The following DLG2 variants were observed in gnomAD, a reference collection of about 807,000 sequenced individuals.
DLG2 encodes disks large homolog 2.
Under a neutral mutation model 132.5 loss-of-function variants are expected in DLG2, and 45 were observed. The observed-to-expected ratio is 0.34, with a 90% CI of 0.27 to 0.44. The LOEUF (loss-of-function observed/expected upper bound fraction) is 0.44. Ranked by LOEUF, DLG2 falls within the 20% of genes least tolerant of loss-of-function variation. The probability of loss-of-function intolerance (pLI) is 1.00; values close to 1 mark genes in which losing one functional copy is unlikely to be tolerated. For synonymous variants in DLG2, 424 were observed against 419.6 expected (o/e 1.01, Z -0.13); for missense variants, 1,045 against 1,196.9 (o/e 0.87, Z 1.87).
intron 4 of DLG2, among the ~76,000 whole-genome samples, chr11:85,259,792 C>G (rs1322243502): frequency 2.0e-5 from 3 of 151,992 alleles, no homozygotes; most frequent in Non-Finnish European, 2.9e-5. Context: ...TAGCCTCCAC[C>G]TCACTATTTT....
chr11:83,702,010 A>G (rs551040579), intron 18 of DLG2, among the ~76,000 whole-genome samples: 84 of 152,232 alleles, frequency 5.5e-4, no homozygotes, highest in Non-Finnish European at 1.1e-3. Flanking sequence ...ATTATAGTAG[A>G]AAGATAATTT....
At chr11:84,827,750 AT>A (rs1254419801) in intron 6 of DLG2, among the ~76,000 whole-genome samples, 1 of 150,396 alleles carries the variant, frequency 6.6e-6, no homozygotes, top group African/African-American at 2.4e-5. Context: ...ACCAAGAGCC[AT>A]TTTTTTCTAT....
At chr11:84,826,039 A>G (rs1170069096) in intron 6 of DLG2, among the ~76,000 whole-genome samples, 2 of 151,810 alleles carry the variant, frequency 1.3e-5, no homozygotes, top group Admixed American at 1.3e-4. Context: ...CTCACCATGC[A>G]TTCTATCTTT....
chr11:84,980,796 G>C (rs567413297), intron 6 of DLG2, among the ~76,000 whole-genome samples: 3 of 152,118 alleles, frequency 2.0e-5, no homozygotes, highest in Admixed American at 2.0e-4. Context: ...CTATGATTCC[G>C]TGTGTATTAA....
intron 5 of DLG2, among the ~76,000 whole-genome samples, chr11:85,143,971 GTTTC>G (rs1205593794): frequency 1.3e-5 from 2 of 151,810 alleles, no homozygotes; most frequent in African/African-American, 2.4e-5. Flanking sequence ...TAAGTCTGAT[GTTTC>G]TTTGTTGATT....
intron 6 of DLG2, among the ~76,000 whole-genome samples, chr11:84,734,998 A>G (rs1369756319): frequency 6.6e-6 from 1 of 152,154 alleles, no homozygotes; most frequent in African/African-American, 2.4e-5. Context: ...CAACTTGGTC[A>G]TGGTGGATAA....
At chr11:85,625,156 C>T (rs1173814916) in intron 2 of DLG2, 2 of 152,212 alleles carry the variant, frequency 1.3e-5, no homozygotes, top group African/African-American at 4.8e-5. Context: ...CTCTTCCTTT[C>T]ACTCTTTTCC....
intron 6 of DLG2, among the ~76,000 whole-genome samples, chr11:84,873,738 T>C (rs1293580450): frequency 6.6e-6 from 1 of 152,200 alleles, no homozygotes; most frequent in Admixed American, 6.5e-5. Flanking sequence ...CGTGTTGAGG[T>C]TCATTGAGCA....
intron 3 of DLG2, among the ~76,000 whole-genome samples, chr11:85,537,675 A>G (rs764405879): frequency 6.6e-6 from 1 of 151,248 alleles, no homozygotes; most frequent in Non-Finnish European, 1.5e-5. Context: ...AACTCCAGAT[A>G]TGCCGCCTTT....
chr11:84,272,365 C>T, intron 7 of DLG2: 1 of 394,134 alleles, frequency 2.5e-6, no homozygotes, highest in South Asian at 1.9e-5. Context: ...GAGAAGGTAC[C>T]AAATAAATTT....
Position 84,760,909 on chromosome 11 carries a change from T to G in DLG2, c.358-226178A>C, listed in dbSNP as rs117516411. 4.7e-3 allele frequency among the ~76,000 whole-genome samples: 709 copies of G among 152,194 alleles called. 2 individuals carry two copies. The highest frequency in any genetic ancestry group is 8.4e-3 in the Non-Finnish European group (573 of 67,992). On this transcript the variant is annotated intron_variant, in intron 6 of 27. Coordinates refer to ENST00000376104, the MANE Select transcript of DLG2 (RefSeq NM_001142699.3). ...AGACCACCTTCCCACTCCATCCCCC[T>G]CTTCCTGCTCCCCATCCATCTCGCT...
intron 4 of DLG2, among the ~76,000 whole-genome samples, chr11:85,196,186 C>T (rs1221696739): frequency 1.3e-5 from 2 of 152,130 alleles, no homozygotes; most frequent in African/African-American, 2.4e-5. Flanking sequence ...CCTTGACTTC[C>T]ACTCCAGTGG....
chr11:83,740,904 C>T (rs745928155), intron 18 of DLG2, among the ~76,000 whole-genome samples: 2 of 152,054 alleles, frequency 1.3e-5, no homozygotes, highest in Non-Finnish European at 2.9e-5. Context: ...CAAAAATCCT[C>T]AACAAAATAC....
intron 7 of DLG2, among the ~76,000 whole-genome samples, chr11:84,441,619 C>T (rs2099017528): frequency 6.6e-6 from 1 of 151,982 alleles, no homozygotes; most frequent in African/African-American, 2.4e-5. Flanking sequence ...GACTCATCTA[C>T]ATAACATATT....
intron 7 of DLG2, among the ~76,000 whole-genome samples, chr11:84,426,207 T>C (rs368482920): frequency 6.6e-6 from 1 of 152,126 alleles, no homozygotes. Context: ...TACATCTTAG[T>C]GGCGCATGAA....
chr11:83,766,396 C>CTTTTTTTTTTTTTTTTT (rs35039524), intron 18 of DLG2, among the ~76,000 whole-genome samples: 1 of 132,416 alleles, frequency 7.6e-6, no homozygotes, highest in African/African-American at 2.8e-5. Flanking sequence ...CCTGGCCTGC[C>CTTTTTTTTTTTTTTTTT]TTTTTTTTTT....
intron 3 of DLG2, among the ~76,000 whole-genome samples, chr11:85,461,442 C>G (rs1363752417): frequency 6.6e-6 from 1 of 152,178 alleles, no homozygotes; most frequent in African/African-American, 2.4e-5. Context: ...GGGCAAAAAA[C>G]AGTTATGCAG....
chr11:84,935,397 A>G (rs984757500), intron 6 of DLG2, among the ~76,000 whole-genome samples: 2 of 152,208 alleles, frequency 1.3e-5, no homozygotes, highest in African/African-American at 4.8e-5. Context: ...GATATTTAAC[A>G]GGATCCTCAA....
At chr11:84,606,305 C>T (rs147404656) in intron 6 of DLG2, among the ~76,000 whole-genome samples, 81 of 152,154 alleles carry the variant, frequency 5.3e-4, no homozygotes, top group Middle Eastern at 3.4e-3. Flanking sequence ...TTTATGCGTA[C>T]ATGATAACAA....
Sources: allele counts gnomAD v4.1 joint callset (sites outside exome capture counted in the v4.1 genomes callset), GRCh38; gene constraint gnomAD v4.1.1; transcripts MANE v1.5; gene names NCBI Gene and HGNC (gene_info 2026-07-23, HGNC 2026-07-21).